CACNA1H: variants seen among roughly 807,000 people sequenced by gnomAD.
The protein encoded by CACNA1H is calcium voltage-gated channel subunit alpha1 H.
CACNA1H carries 149 observed loss-of-function variants against 192.5 expected under a neutral mutation model. The observed-to-expected ratio is 0.77, with a 90% CI of 0.68 to 0.89. CACNA1H has a LOEUF of 0.89. Among genes scored for constraint, CACNA1H ranks in the 40% least tolerant of loss-of-function variants. CACNA1H has a pLI of 0.00. For missense variants in CACNA1H, 4,257 were observed against 3,423.5 expected, an observed-to-expected ratio of 1.24 and a Z score of -6.08; for synonymous variants, 2,202 against 1,475.2, an observed-to-expected ratio of 1.49 and a Z score of -11.29.
At chr16:1,207,701 T>G (rs934951877) in intron 14 of CACNA1H, 69 bp from the exon 15 acceptor site, 23 of 1,384,756 alleles carry the variant, frequency 1.7e-5, no homozygotes, top group Admixed American at 3.9e-5. Flanking sequence ...CAGCCCAGAC[T>G]TCTGTCCGGC....
chr16:1,194,935 G>A (rs377664502), intron 2 of CACNA1H, 37 bp from the exon 3 acceptor site: 2 of 1,510,594 alleles, frequency 1.3e-6, no homozygotes, highest in Admixed American at 1.7e-5. Flanking sequence ...AGCGGGTCCC[G>A]GGCCGCGCCG....
rs1179369925 is a variant in CACNA1H at position 1,167,459 on chromosome 16, TA to T, written c.299+13434del. On this transcript the variant is annotated intron_variant, in intron 2 of 34. Transcript: ENST00000348261. The surrounding 1 kb of genome is among the most constrained non-coding windows in gnomAD (Gnocchi z 4.2). ...AGAATTTCAACACCCACACTTGGAA[TA>T]AAAAAAAAAATTATTAATGAGCTTG... Among the ~76,000 whole-genome samples, 35 of 148,334 alleles carry T rather than the reference TA, an allele frequency of 2.4e-4. No individual in the cohort carries two copies. The highest frequency in any genetic ancestry group is 1.1e-3 in the Admixed American group (16 of 14,896).
intron 2 of CACNA1H, among the ~76,000 whole-genome samples, chr16:1,177,221 C>T (rs1033562084): frequency 6.6e-6 from 1 of 152,220 alleles, no homozygotes; most frequent in Non-Finnish European, 1.5e-5. Flanking sequence ...TGGAGTTTGA[C>T]TCCACCAGGG....
chr16:1,172,229 C>T (rs1477043363), intron 2 of CACNA1H, among the ~76,000 whole-genome samples: 1 of 152,160 alleles, frequency 6.6e-6, no homozygotes, highest in Non-Finnish European at 1.5e-5. Flanking sequence ...TCCTGCCTGA[C>T]CCCGCCCCTG....
intron 2 of CACNA1H, among the ~76,000 whole-genome samples, chr16:1,161,732 C>T (rs1000286125): frequency 5.9e-5 from 9 of 152,186 alleles, no homozygotes; most frequent in South Asian, 2.1e-4. Flanking sequence ...CTGTCAGCCC[C>T]GTCCAGTCGG....
chr16:1,209,454 C>T (rs747201654), intron 17 of CACNA1H, 42 bp downstream of exon 17: 7 of 1,583,716 alleles, frequency 4.4e-6, no homozygotes, highest in Admixed American at 3.4e-5. Flanking sequence ...TCGCCTTCGT[C>T]TGTCTGGGGC....
chr16:1,218,728 G>T, intron 33 of CACNA1H, 77 bp downstream of exon 33: 1 of 1,328,042 alleles, frequency 7.5e-7, no homozygotes, highest in East Asian at 2.5e-5. Flanking sequence ...TGGGAGGGAG[G>T]ATGGGGTCAG....
rs1968662796 is a variant in CACNA1H at position 1,206,024 on chromosome 16, G to C, written c.2604-80G>C. ...CACAGGCCGCTGTGGCTCCCTGGCT[G>C]GTGACCCTGCTTCCAGTGGGACGAG... On this transcript the variant is annotated intron_variant, in intron 11 of 34. Transcript: ENST00000348261. 3 of 1,378,816 alleles carry C rather than the reference G, an allele frequency of 2.2e-6. No individual in the cohort carries two copies. In the Admixed American group the frequency reaches 6.8e-5, roughly 31 times the overall value. 85.4% of individuals were successfully genotyped at this position (1,378,816 alleles called of 1,614,324 possible).
intron 2 of CACNA1H, among the ~76,000 whole-genome samples, chr16:1,191,719 C>T (rs1223832374): frequency 4.7e-4 from 43 of 92,230 alleles, no homozygotes; most frequent in East Asian, 2.1e-3. Context: ...GGTCTCTGAC[C>T]CAGTAGGCTG....
intron 2 of CACNA1H, among the ~76,000 whole-genome samples, chr16:1,184,845 C>T (rs539412191): frequency 5.3e-5 from 8 of 152,342 alleles, no homozygotes; most frequent in South Asian, 4.1e-4. Flanking sequence ...AAGCTGGGAA[C>T]GCAGGCTGTG....
chr16:1,209,453 T>C (rs1596451332), intron 17 of CACNA1H, 41 bp downstream of exon 17: 1 of 1,587,278 alleles, frequency 6.3e-7, no homozygotes, highest in Non-Finnish European at 8.5e-7. Flanking sequence ...CTCGCCTTCG[T>C]CTGTCTGGGG....
intron 2 of CACNA1H, among the ~76,000 whole-genome samples, chr16:1,171,488 G>C (rs988731149): frequency 6.6e-6 from 1 of 152,204 alleles, no homozygotes; most frequent in Non-Finnish European, 1.5e-5. Flanking sequence ...GGAGGCCCGC[G>C]GGAAGCTTCT....
At chr16:1,188,358 C>T (rs1053015083) in intron 2 of CACNA1H, among the ~76,000 whole-genome samples, 3 of 152,190 alleles carry the variant, frequency 2.0e-5, no homozygotes, top group Admixed American at 6.5e-5. Context: ...CCCTGGAGAC[C>T]GCTGGCTCTG....
In CACNA1H at chr16:1,221,187, C is replaced by A; in HGVS notation, c.*193C>A. The stretch of plus-strand genomic sequence containing the variant: ...AGTAGCTGCCGGGCCCCACGAGCCT[C>A]CGTCCGTTCTGGTTCGGGTTTCTCC... On this transcript the variant is annotated 3_prime_UTR_variant, in exon 35 of 35. Coordinates refer to ENST00000348261, the MANE Select transcript of CACNA1H (RefSeq NM_021098.3). The A allele has an allele frequency of 1.8e-6, 1 of 546,972 alleles. No homozygotes were observed. The allele number at this position is 546,972 out of a possible 1,614,324, so 33.9% of individuals were successfully genotyped here. A position where few individuals can be genotyped will look rare whatever the true frequency, so the allele number is the denominator to read the frequency against.
chr16:1,198,086 G>GGTCTC (rs1967209145), intron 5 of CACNA1H, among the ~76,000 whole-genome samples: 1 of 152,152 alleles, frequency 6.6e-6, no homozygotes. Flanking sequence ...CAGGATCCCA[G>GGTCTC]ACCTGCTGCA....
Position 1,220,185 on chromosome 16 carries a change from G to A in CACNA1H, c.6253G>A (p.Ala2085Thr). The stretch of plus-strand genomic sequence containing the variant: ...GCGCTGCGTCTCCAGCCGGCCGGCG[G>A]CCCCAGGCGGAGAGGAGGCCGAGGC... ...GQRCVSSRPA[A>T]PGGEEAEASD... Residue 2085 changes from alanine to threonine, a missense_variant, in exon 35 of 35, where the codon GCC (alanine) becomes ACC (threonine). By Grantham distance (58) the Ala-to-Thr change is moderately conservative. Transcript: ENST00000348261. 5 of 1,526,780 alleles carry A rather than the reference G, an allele frequency of 3.3e-6. No homozygotes were observed. The highest frequency in any genetic ancestry group is 1.4e-5 in the African/African-American group (1 of 69,624). The allele number at this position is 1,526,780 out of a possible 1,614,324, so 94.6% of individuals were successfully genotyped here. A position where few individuals can be genotyped will look rare whatever the true frequency, so the allele number is the denominator to read the frequency against.
At chr16:1,171,797 C>A (rs1459146823) in intron 2 of CACNA1H, among the ~76,000 whole-genome samples, 1 of 152,226 alleles carries the variant, frequency 6.6e-6, no homozygotes, top group Non-Finnish European at 1.5e-5. Flanking sequence ...TGGGCAGACA[C>A]TACCCCCAAC....
rs368956894 is a variant in CACNA1H, at chr16:1,201,719, G to A, written c.1269G>A (p.Ser423=). 4.0e-5 allele frequency: 64 copies of A among 1,610,578 alleles called. No individual in the cohort carries two copies. In the East Asian group the frequency reaches 6.5e-4, roughly 16 times the overall value. The part of the protein sequence containing the change: ...LCLVVIATQF[S]ETKQRESQLM... ...TGGTGGTGATTGCCACGCAGTTCTC[G>A]GAGACGAAGCAGCGGGAGAGTCAGC... The change falls in exon 9 of 35, where the codon TCG becomes TCA. Residue 423 remains serine, a synonymous_variant. Transcript: ENST00000348261.
Position 1,218,992 on chromosome 16 carries a change from T to A in CACNA1H, c.5910T>A (p.Ser1970=). 1 of 1,550,246 alleles carries A rather than the reference T, an allele frequency of 6.5e-7. No homozygotes were observed. The change falls in exon 34 of 35, where the codon TCT becomes TCA. Residue 1970 remains serine, a synonymous_variant. Transcript: ENST00000348261. The part of the protein sequence containing the change: ...TPLGSVASVH[S]PPAESCASLQ... ...CAGGCTCCGTTGCCTCTGTGCACTC[T>A]CCGCCCGCAGAGTCCTGTGCCTCCC...
Sources: allele counts gnomAD v4.1 joint callset (sites outside exome capture counted in the v4.1 genomes callset), GRCh38; gene constraint gnomAD v4.1.1; non-coding constraint Gnocchi (gnomAD v3.1); transcripts MANE v1.5; gene names NCBI Gene and HGNC (gene_info 2026-07-23, HGNC 2026-07-21).